CCNY: variants seen among roughly 807,000 people sequenced by gnomAD.
CCNY encodes the protein cyclin Y, also known as cyclin-Y.
CCNY carries 19 observed loss-of-function variants against 42.8 expected under a neutral mutation model. That is an observed-to-expected ratio of 0.44 (90% CI 0.31 to 0.65). The LOEUF (loss-of-function observed/expected upper bound fraction) is 0.65, where lower values mean the gene tolerates loss of function less well. CCNY is among the 30% of genes least tolerant of loss of function. CCNY has a pLI of 0.07. For synonymous variants in CCNY, 165 were observed against 162.7 expected (o/e 1.01, Z -0.11); for missense variants, 370 against 437.3 (o/e 0.85, Z 1.37).
At position 35,569,203 on chromosome 10, in the gene CCNY, T is replaced by C; in HGVS notation, c.*33T>C. 8.1e-7 allele frequency: 1 copy of C among 1,237,304 alleles called. No homozygotes were observed. Among genetic ancestry groups the C allele is most frequent in the Non-Finnish European group, 1.2e-6 (1 of 842,100 alleles). 76.6% of individuals were successfully genotyped at this position (1,237,304 alleles called of 1,614,324 possible). On this transcript the variant is annotated 3_prime_UTR_variant, in exon 10 of 10. Coordinates refer to ENST00000374704, the MANE Select transcript of CCNY (RefSeq NM_145012.6). ...GGCCCGCCGGAGGCCACACCATCCCTTAGTTTCTCCTTTAGTTTGAGAAAA... is the reference window on the plus strand; with the variant it reads ...GGCCCGCCGGAGGCCACACCATCCCCTAGTTTCTCCTTTAGTTTGAGAAAA...
chr10:35,427,106 C>T (rs1041088630), intron 1 of CCNY, among the ~76,000 whole-genome samples: 10 of 152,160 alleles, frequency 6.6e-5, no homozygotes, highest in African/African-American at 2.4e-4. Context: ...TAATTAAATG[C>T]CACAGACCCT....
At chr10:35,261,059 C>T (rs550940595) in intron 3 of CCNY, among the ~76,000 whole-genome samples, 108 of 151,852 alleles carry the variant, frequency 7.1e-4, no homozygotes, top group Non-Finnish European at 1.3e-3. Context: ...CACAGTGAGC[C>T]GTGATTGTGC....
chr10:35,503,378 C>A (rs774139972), intron 3 of CCNY, among the ~76,000 whole-genome samples: 1 of 152,108 alleles, frequency 6.6e-6, no homozygotes, highest in African/African-American at 2.4e-5. Flanking sequence ...TAACAGATGA[C>A]CCTGTAACAA....
chr10:35,367,941 T>C (rs1836845005), intron 1 of CCNY, among the ~76,000 whole-genome samples: 1 of 152,194 alleles, frequency 6.6e-6, no homozygotes, highest in South Asian at 2.1e-4. Context: ...TTAAAAACTT[T>C]GGAGTGTAAA....
intron 2 of CCNY, among the ~76,000 whole-genome samples, chr10:35,497,773 T>C (rs560427988): frequency 1.3e-5 from 2 of 150,426 alleles, no homozygotes; most frequent in Non-Finnish European, 3.0e-5. Context: ...ATTCCCCCTA[T>C]GGTAATGTCT....
At chr10:35,306,607 T>A (rs1398083678) in intron 3 of CCNY, among the ~76,000 whole-genome samples, 1 of 152,182 alleles carries the variant, frequency 6.6e-6, no homozygotes, top group African/African-American at 2.4e-5. Flanking sequence ...CAGAAGCTGT[T>A]TGGGAAGAGC....
intron 8 of CCNY, among the ~76,000 whole-genome samples, chr10:35,564,020 G>C (rs908408336): frequency 6.6e-6 from 1 of 151,970 alleles, no homozygotes; most frequent in Non-Finnish European, 1.5e-5. Context: ...TGAATTATAG[G>C]CATGTGCCAC....
chr10:35,416,370 G>C (rs576350668), intron 1 of CCNY, among the ~76,000 whole-genome samples: 1 of 152,124 alleles, frequency 6.6e-6, no homozygotes, highest in Non-Finnish European at 1.5e-5. Context: ...AGGTTGAAAC[G>C]GGAGGATTCT....
At chr10:35,511,078 C>T (rs1840316020) in intron 3 of CCNY, among the ~76,000 whole-genome samples, 1 of 152,224 alleles carries the variant, frequency 6.6e-6, no homozygotes, top group African/African-American at 2.4e-5. Context: ...GGTGCAGGCC[C>T]CTGCGGCCAG....
intron 1 of CCNY, among the ~76,000 whole-genome samples, chr10:35,363,898 A>G (rs1836754928): frequency 6.6e-6 from 1 of 152,190 alleles, no homozygotes; most frequent in Non-Finnish European, 1.5e-5. Flanking sequence ...CTTTTAGTGT[A>G]TGGATATTGG....
chr10:35,313,413 A>G (rs1300923251), intron 3 of CCNY, among the ~76,000 whole-genome samples: 1 of 152,136 alleles, frequency 6.6e-6, no homozygotes. Flanking sequence ...ATACTTACAG[A>G]TTCCTTCAGG....
chr10:35,406,876 C>T (rs1837789462), intron 1 of CCNY, among the ~76,000 whole-genome samples: 1 of 152,096 alleles, frequency 6.6e-6, no homozygotes, highest in Admixed American at 6.5e-5. Flanking sequence ...CCCCCCACCT[C>T]CGTCCCCGTC....
intron 1 of CCNY, among the ~76,000 whole-genome samples, chr10:35,465,938 A>AGAGAGAGAGAGAGTGTGTGTGTGT: frequency 4.9e-5 from 4 of 80,960 alleles, no homozygotes; most frequent in African/African-American, 1.8e-4. Flanking sequence ...AGAGAGAGAG[A>AGAGAGAGAGAGAGTGTGTGTGTGT]GTGTGTGTGT....
chr10:35,453,592 T>C (rs1375031928), intron 1 of CCNY, among the ~76,000 whole-genome samples: 1 of 152,242 alleles, frequency 6.6e-6, no homozygotes, highest in East Asian at 1.9e-4. Context: ...GATACTAATA[T>C]TTGAGTTAGC....
chr10:35,478,539 A>G (rs908464824), intron 1 of CCNY, among the ~76,000 whole-genome samples: 1 of 152,240 alleles, frequency 6.6e-6, no homozygotes, highest in African/African-American at 2.4e-5. Context: ...GCTATGGGGA[A>G]AGGATTCCCT....
At chr10:35,564,058 T>G (rs1040864817) in intron 8 of CCNY, among the ~76,000 whole-genome samples, 2 of 151,996 alleles carry the variant, frequency 1.3e-5, no homozygotes, top group Non-Finnish European at 2.9e-5. Context: ...CTTTGTATTT[T>G]TAGTAGAGAC....
intron 3 of CCNY, among the ~76,000 whole-genome samples, chr10:35,266,319 C>T (rs939407569): frequency 4.5e-5 from 6 of 134,810 alleles, no homozygotes; most frequent in Non-Finnish European, 7.6e-5. Context: ...AGGCTGGTCT[C>T]AAACTCCTGA....
chr10:35,265,667 A>G (rs988589524), intron 3 of CCNY, among the ~76,000 whole-genome samples: 1 of 152,242 alleles, frequency 6.6e-6, no homozygotes, highest in African/African-American at 2.4e-5. Flanking sequence ...CTGAGGATGC[A>G]CACAGGCGTC....
At chr10:35,321,716 T>A (rs190079122) in intron 3 of CCNY, among the ~76,000 whole-genome samples, 2 of 152,258 alleles carry the variant, frequency 1.3e-5, no homozygotes, top group Admixed American at 6.5e-5. Context: ...ACATAACTTA[T>A]TCTAAAATTT....
Sources: gnomAD v4.1 joint callset for allele counts (sites outside exome capture counted in the v4.1 genomes callset) on GRCh38, gnomAD v4.1.1 for gene constraint, MANE v1.5 for transcripts, NCBI Gene and HGNC (gene_info 2026-07-23, HGNC 2026-07-21) for gene names.